PRRC2B: variants seen among roughly 807,000 people sequenced by gnomAD.
PRRC2B encodes the protein protein PRRC2B.
Under a neutral mutation model 242.3 loss-of-function variants are expected in PRRC2B, and 68 were observed. The ratio of observed to expected loss-of-function variants is 0.28; its 90% CI spans 0.23 to 0.34. The LOEUF (loss-of-function observed/expected upper bound fraction) is 0.34, where lower values mean the gene tolerates loss of function less well. Among genes scored for constraint, PRRC2B ranks in the 10% least tolerant of loss-of-function variants. The pLI, the probability that PRRC2B is intolerant of heterozygous loss-of-function variation, is 1.00. For synonymous variants in PRRC2B, 1,228 were observed against 1,173.6 expected (o/e 1.05, Z -0.95); for missense variants, 2,835 against 2,954.8 (o/e 0.96, Z 0.94).
upstream of PRRC2B, among the ~76,000 whole-genome samples, chr9:131,391,778 T>G (rs1836902634): frequency 1.3e-5 from 2 of 152,186 alleles, no homozygotes; most frequent in South Asian, 4.1e-4. Context: ...TCTCTCTCTG[T>G]TGCCCAGGCT....
intron 1 of PRRC2B, among the ~76,000 whole-genome samples, chr9:131,425,767 C>T (rs981927853): frequency 1.7e-4 from 26 of 151,716 alleles, no homozygotes; most frequent in African/African-American, 5.8e-4. Context: ...GGATTACAGG[C>T]GTGAGCCACC....
intron 1 of PRRC2B, among the ~76,000 whole-genome samples, chr9:131,378,147 A>G (rs1382984757): frequency 6.6e-6 from 1 of 151,952 alleles, no homozygotes; most frequent in Non-Finnish European, 1.5e-5. Flanking sequence ...TGTCTCTACT[A>G]AAAATTCAAA....
rs113638453 is a variant in PRRC2B at position 131,417,100 on chromosome 9, A to G, written c.-51-12994A>G. ...TGGACTCTTCAGAGTGGGTGCCTGG[A>G]TGGGAGGCTGGCCTTTTCATTTCTT... On this transcript the variant is annotated intron_variant, in intron 1 of 31. Transcript: ENST00000683519. Among the ~76,000 whole-genome samples the G allele has an allele frequency of 8.3e-3, 1,264 of 152,066 alleles. 17 individuals carry two copies. The highest frequency in any genetic ancestry group is 0.027 in the African/African-American group (1,137 of 41,478).
In PRRC2B at chr9:131,475,599, ATGAAGGCTCGCTCC is replaced by A. The variant is rs1424982632; in HGVS notation, c.3473_3486del (p.Glu1158GlyfsTer24). The A allele has an allele frequency of 6.2e-7, 1 of 1,612,734 alleles. No individual in the cohort carries two copies. Among genetic ancestry groups the A allele is most frequent in the African/African-American group, 1.3e-5 (1 of 74,928 alleles). ...CGGCAGAGGGGCTCCGAGAACGGGA[ATGAAGGCTCGCTCC>A]TGGAGAGGGAGGAGAGCACCTTGAA... On this transcript the variant is annotated frameshift_variant, in exon 16 of 32. Coordinates refer to ENST00000683519, the MANE Select transcript of PRRC2B (RefSeq NM_013318.4). LOFTEE classifies it high-confidence loss of function.
intron 4 of PRRC2B, among the ~76,000 whole-genome samples, chr9:131,437,411 ACT>A (rs1457241179): frequency 2.0e-5 from 3 of 152,230 alleles, no homozygotes; most frequent in Non-Finnish European, 4.4e-5. Context: ...CTCATAACAC[ACT>A]CAGTCCATCA....
intron 1 of PRRC2B, among the ~76,000 whole-genome samples, chr9:131,380,620 C>T (rs1304599499): frequency 6.6e-6 from 1 of 151,466 alleles, no homozygotes; most frequent in African/African-American, 2.4e-5. Context: ...TGGCTCATGC[C>T]TGTAATCCCA....
In PRRC2B at chr9:131,447,192, G is replaced by T. The variant is rs1321395933; in HGVS notation, c.963G>T (p.Met321Ile). The T allele has an allele frequency of 6.2e-7, 1 of 1,614,016 alleles. No homozygotes were observed. The change falls in exon 8 of 32, where the codon ATG becomes ATT. Residue 321 changes from methionine to isoleucine, a missense_variant. Around this residue, in one of 7 missense-constraint regions of PRRC2B, gnomAD observed 626 missense variants for 685.5 expected, o/e 0.91. Transcript: ENST00000683519. ...EPRVPFRQFQ[M>I]NDQDGKENRL... Reference sequence around the variant, plus strand: ...GAGTTCCTTTTAGACAGTTCCAGATGAATGACCAAGACGGGTGAGTCCATT... The same window carrying T: ...GAGTTCCTTTTAGACAGTTCCAGATTAATGACCAAGACGGGTGAGTCCATT...
chr9:131,462,219 T>C (rs1943261053), intron 11 of PRRC2B, among the ~76,000 whole-genome samples: 1 of 152,094 alleles, frequency 6.6e-6, no homozygotes, highest in Non-Finnish European at 1.5e-5. Context: ...TTTCTTTCAT[T>C]CTTTCTTTTT....
At chr9:131,408,822 T>G (rs192426621) in intron 1 of PRRC2B, among the ~76,000 whole-genome samples, 2 of 150,872 alleles carry the variant, frequency 1.3e-5, no homozygotes, top group African/African-American at 4.9e-5. Context: ...TGGGTTGAAG[T>G]GATTCTCCTG....
intron 1 of PRRC2B, among the ~76,000 whole-genome samples, chr9:131,412,982 C>T (rs974699304): frequency 2.0e-5 from 3 of 152,020 alleles, no homozygotes; most frequent in African/African-American, 7.2e-5. Context: ...TTTTCCTCTT[C>T]ATCTAATTAG....
At chr9:131,490,312 C>T (rs1944152414) in intron 28 of PRRC2B, among the ~76,000 whole-genome samples, 1 of 151,842 alleles carries the variant, frequency 6.6e-6, no homozygotes, top group Non-Finnish European at 1.5e-5. Context: ...ATCCCCTCCA[C>T]ACCCCTGCAT....
chr9:131,433,149 T>G (rs965199019), intron 3 of PRRC2B, among the ~76,000 whole-genome samples: 2 of 152,204 alleles, frequency 1.3e-5, no homozygotes, highest in Non-Finnish European at 1.5e-5. Context: ...AGAAACACTG[T>G]GGACAGAGCT....
intron 2 of PRRC2B, among the ~76,000 whole-genome samples, chr9:131,431,585 A>ATTT (rs756659610): frequency 5.3e-5 from 7 of 133,130 alleles, no homozygotes; most frequent in Non-Finnish European, 1.1e-4. Flanking sequence ...TTAATAAAGA[A>ATTT]TTTTTTTTTT....
intron 9 of PRRC2B, among the ~76,000 whole-genome samples, chr9:131,451,361 T>A (rs1942913124): frequency 6.6e-6 from 1 of 152,006 alleles, no homozygotes; most frequent in Non-Finnish European, 1.5e-5. Flanking sequence ...ATCGTGCCAC[T>A]GCACTCCAGC....
At position 131,473,630 on chromosome 9, in the gene PRRC2B, T is replaced by C. The variant is rs138208049; in HGVS notation, c.2230T>C (p.Trp744Arg). The change falls in exon 15 of 32, where the codon TGG becomes CGG. Residue 744 changes from tryptophan to arginine, a missense_variant. Physicochemically the swap from Trp to Arg is moderately radical, Grantham distance 101. Coordinates refer to ENST00000683519, the MANE Select transcript of PRRC2B (RefSeq NM_013318.4). ...GACCCCCATCGACTCACCCCCTGTG[T>C]GGAGCCCAGAGGGCTACATGGCACT... ...KVTPIDSPPV[W>R]SPEGYMALQS... 236 of 1,613,678 alleles carry C rather than the reference T, an allele frequency of 1.5e-4. No homozygotes were observed. In the East Asian group the frequency reaches 2.5e-3, roughly 17 times the overall value.
intron 25 of PRRC2B, 73 bp downstream of exon 25, chr9:131,485,213 G>A (rs539299672): frequency 1.7e-4 from 206 of 1,244,756 alleles, no homozygotes; most frequent in Non-Finnish European, 2.1e-4. Context: ...TAACAGCCCC[G>A]AATGTCACCT....
chr9:131,395,908 C>T (rs1837040111), intron 1 of PRRC2B, among the ~76,000 whole-genome samples: 1 of 152,168 alleles, frequency 6.6e-6, no homozygotes, highest in African/African-American at 2.4e-5. Flanking sequence ...GACAAACAGA[C>T]GCCCAAGGAG....
chr9:131,492,571 C>T (rs1372895501), intron 30 of PRRC2B, among the ~76,000 whole-genome samples: 1 of 152,182 alleles, frequency 6.6e-6, no homozygotes, highest in East Asian at 1.9e-4. Flanking sequence ...CGTGACTTCC[C>T]ATTAGATCCT....
intron 11 of PRRC2B, among the ~76,000 whole-genome samples, chr9:131,463,514 G>C (rs1207205390): frequency 6.6e-6 from 1 of 151,990 alleles, no homozygotes; most frequent in Non-Finnish European, 1.5e-5. Context: ...CCTGTTGCCA[G>C]GTCTGCATGC....
Sources: allele counts gnomAD v4.1 joint callset (sites outside exome capture counted in the v4.1 genomes callset), GRCh38; gene constraint gnomAD v4.1.1; regional missense constraint gnomAD v4.1.1; transcripts MANE v1.5; gene names NCBI Gene and HGNC (gene_info 2026-07-23, HGNC 2026-07-21).